Variants in DIAPH3 observed in about 807,000 individuals in gnomAD.
DIAPH3 encodes the protein protein diaphanous homolog 3.
DIAPH3 carries 117 observed loss-of-function variants against 144.3 expected under a neutral mutation model. The ratio of observed to expected loss-of-function variants is 0.81; its 90% CI spans 0.70 to 0.95. The LOEUF (loss-of-function observed/expected upper bound fraction) is 0.95, where lower values mean the gene tolerates loss of function less well. DIAPH3 is among the 40% of genes least tolerant of loss of function. The pLI, the probability that DIAPH3 is intolerant of heterozygous loss-of-function variation, is 0.00. For synonymous variants in DIAPH3, 519 were observed against 488.9 expected, an observed-to-expected ratio of 1.06 and a Z score of -0.81; for missense variants, 1,421 against 1,412.7, an observed-to-expected ratio of 1.01 and a Z score of -0.09.
At chr13:59,942,547 T>C (rs1322697918) in intron 17 of DIAPH3, among the ~76,000 whole-genome samples, 1 of 152,140 alleles carries the variant, frequency 6.6e-6, no homozygotes, top group African/African-American at 2.4e-5. Context: ...TGTGAAACAA[T>C]TCAAACAATA....
intron 27 of DIAPH3, among the ~76,000 whole-genome samples, chr13:59,749,344 C>A (rs1293228226): frequency 6.7e-6 from 1 of 149,180 alleles, no homozygotes; most frequent in Non-Finnish European, 1.5e-5. Context: ...CACAGTGAAA[C>A]CCCGTCTCTA....
intron 1 of DIAPH3, among the ~76,000 whole-genome samples, chr13:60,145,484 A>G (rs960758557): frequency 6.6e-6 from 1 of 151,744 alleles, no homozygotes; most frequent in Non-Finnish European, 1.5e-5. Context: ...CGTCTCTACT[A>G]AAAAAAATAC....
intron 27 of DIAPH3, among the ~76,000 whole-genome samples, chr13:59,672,248 T>A (rs374819154): frequency 6.6e-6 from 1 of 152,200 alleles, no homozygotes; most frequent in Non-Finnish European, 1.5e-5. Context: ...GAAGTTAGTA[T>A]TGATCCCCCC....
intron 17 of DIAPH3, among the ~76,000 whole-genome samples, chr13:59,940,194 C>T (rs916638054): frequency 3.9e-5 from 6 of 152,086 alleles, no homozygotes; most frequent in Admixed American, 1.3e-4. Flanking sequence ...AATGGGAATG[C>T]AGTGGCTTAA....
intron 5 of DIAPH3, among the ~76,000 whole-genome samples, chr13:60,028,931 C>A (rs557446411): frequency 2.0e-5 from 3 of 151,770 alleles, no homozygotes; most frequent in Admixed American, 2.0e-4. Flanking sequence ...TGGTGGCATG[C>A]GCCTGTAGTC....
intron 22 of DIAPH3, among the ~76,000 whole-genome samples, chr13:59,842,730 A>G (rs939143396): frequency 6.6e-6 from 1 of 152,144 alleles, no homozygotes; most frequent in African/African-American, 2.4e-5. Context: ...AGAATGACTC[A>G]CAGAAATCAG....
intron 2 of DIAPH3, among the ~76,000 whole-genome samples, chr13:60,112,565 C>G (rs901221397): frequency 2.6e-5 from 4 of 152,188 alleles, no homozygotes; most frequent in East Asian, 1.9e-4. Flanking sequence ...CTCCCACCCC[C>G]TCCTGGCCCC....
chr13:59,897,198 G>A (rs565984891), intron 20 of DIAPH3, among the ~76,000 whole-genome samples: 1 of 152,184 alleles, frequency 6.6e-6, no homozygotes, highest in Non-Finnish European at 1.5e-5. Context: ...TCAGACATTA[G>A]AAGCACAAGG....
At chr13:59,792,440 T>C (rs935629276) in intron 25 of DIAPH3, among the ~76,000 whole-genome samples, 1 of 152,196 alleles carries the variant, frequency 6.6e-6, no homozygotes, top group Non-Finnish European at 1.5e-5. Flanking sequence ...TCTGCCATCA[T>C]CTTGTGAGAA....
At chr13:59,839,503 G>T in intron 22 of DIAPH3, 55 bp from the exon 23 acceptor site, 1 of 1,541,234 alleles carries the variant, frequency 6.5e-7, no homozygotes, top group Non-Finnish European at 8.8e-7. Flanking sequence ...TATATAAAAG[G>T]TAAGACACCC....
intron 4 of DIAPH3, among the ~76,000 whole-genome samples, chr13:60,055,155 T>A (rs757423480): frequency 1.5e-4 from 23 of 151,864 alleles, no homozygotes; most frequent in Non-Finnish European, 2.7e-4. Flanking sequence ...AAAAAAAAGA[T>A]AAAGTACAGA....
At chr13:60,023,117 G>C (rs1304912849) in intron 5 of DIAPH3, among the ~76,000 whole-genome samples, 1 of 152,122 alleles carries the variant, frequency 6.6e-6, no homozygotes, top group Non-Finnish European at 1.5e-5. Flanking sequence ...ATGGAAAATT[G>C]GCATTAATTC....
chr13:60,084,049 G>C (rs997034449), intron 4 of DIAPH3, among the ~76,000 whole-genome samples: 2 of 151,974 alleles, frequency 1.3e-5, no homozygotes, highest in African/African-American at 4.8e-5. Flanking sequence ...TAGATAGATA[G>C]ATAGATAGAT....
intron 26 of DIAPH3, 106 bp downstream of exon 26, chr13:59,774,622 C>CA: frequency 2.8e-6 from 3 of 1,063,646 alleles, no homozygotes; most frequent in Non-Finnish European, 4.3e-6. Flanking sequence ...AGTTGTTGCC[C>CA]ACGGCACTGC....
At chr13:59,937,565 C>T (rs1256123419) in intron 17 of DIAPH3, among the ~76,000 whole-genome samples, 2 of 152,148 alleles carry the variant, frequency 1.3e-5, no homozygotes, top group Admixed American at 1.3e-4. Flanking sequence ...CATAGGCAGA[C>T]CATCCTGGCA....
In DIAPH3 at chr13:60,015,140, C is replaced by T. The variant is rs141173321; in HGVS notation, c.771+773G>A. 1.8e-3 allele frequency among the ~76,000 whole-genome samples: 274 copies of T among 152,232 alleles called. 1 individual carries two copies. Among genetic ancestry groups the T allele is most frequent in the African/African-American group, 6.3e-3 (260 of 41,538 alleles). ...CCTCCTGAGTAGCTGGGACTGCAGG[C>T]ATGTGCCGCCATGCCCAGCTATTTG... On this transcript the variant is annotated intron_variant, in intron 7 of 27. Transcript: ENST00000400324.
chr13:59,696,675 A>C (rs1208122568), intron 27 of DIAPH3, among the ~76,000 whole-genome samples: 1 of 152,212 alleles, frequency 6.6e-6, no homozygotes, highest in Non-Finnish European at 1.5e-5. Context: ...TGCACTTTTA[A>C]AAGTATTTTT....
At chr13:60,110,554 T>C (rs140029496) in intron 3 of DIAPH3, among the ~76,000 whole-genome samples, 148 of 152,310 alleles carry the variant, frequency 9.7e-4, no homozygotes, top group Non-Finnish European at 1.0e-4. Flanking sequence ...TCAATAGCAG[T>C]TTTTCCCTAC....
intron 25 of DIAPH3, among the ~76,000 whole-genome samples, chr13:59,775,391 T>C (rs559741503): frequency 2.0e-5 from 3 of 152,086 alleles, no homozygotes; most frequent in African/African-American, 4.8e-5. Context: ...TACAGGCGCC[T>C]GCCACCACGC....
Sources: allele counts gnomAD v4.1 joint callset (sites outside exome capture counted in the v4.1 genomes callset), GRCh38; gene constraint gnomAD v4.1.1; transcripts MANE v1.5; gene names NCBI Gene and HGNC (gene_info 2026-07-23, HGNC 2026-07-21).